The following CNTN3 variants were observed in gnomAD, a reference collection of about 807,000 sequenced individuals.
CNTN3 encodes the protein contactin-3.
A neutral mutation model predicts 119.1 loss-of-function variants in CNTN3; 60 were observed. The observed-to-expected ratio is 0.50, with a 90% CI of 0.41 to 0.62. The LOEUF (loss-of-function observed/expected upper bound fraction) is 0.62, where lower values mean the gene tolerates loss of function less well. CNTN3 is among the 20% of genes least tolerant of loss of function. The pLI is 0.00. For synonymous variants in CNTN3, 450 were observed against 438.7 expected, an observed-to-expected ratio of 1.03 and a Z score of -0.32; for missense variants, 1,101 against 1,242.4, an observed-to-expected ratio of 0.89 and a Z score of 1.71.
At chr3:74,475,615 C>T (rs1179008246) in intron 4 of CNTN3, among the ~76,000 whole-genome samples, 5 of 152,104 alleles carry the variant, frequency 3.3e-5, no homozygotes, top group East Asian at 3.9e-4. Context: ...ATAGAAGGAA[C>T]GGTGGAAATG....
At chr3:74,360,296 T>C (rs1300849164) in intron 11 of CNTN3, among the ~76,000 whole-genome samples, 1 of 152,182 alleles carries the variant, frequency 6.6e-6, no homozygotes, top group Non-Finnish European at 1.5e-5. Context: ...AGTAATAATT[T>C]GGACTCTATG....
At chr3:74,417,214 A>T (rs1186201096) in intron 5 of CNTN3, among the ~76,000 whole-genome samples, 1 of 151,866 alleles carries the variant, frequency 6.6e-6, no homozygotes, top group African/African-American at 2.4e-5. Flanking sequence ...CAAACTCATC[A>T]TTTTCATTCC....
At chr3:74,457,542 A>C (rs992731635) in intron 4 of CNTN3, among the ~76,000 whole-genome samples, 1 of 152,078 alleles carries the variant, frequency 6.6e-6, no homozygotes, top group African/African-American at 2.4e-5. Context: ...TTCAAATATA[A>C]AATGTTATTT....
At chr3:74,394,215 A>G (rs1293174297) in intron 5 of CNTN3, among the ~76,000 whole-genome samples, 1 of 152,204 alleles carries the variant, frequency 6.6e-6, no homozygotes, top group African/African-American at 2.4e-5. Context: ...GTGAAAACTC[A>G]AAGGGTAGTA....
At chr3:74,414,816 A>G (rs1241849718) in intron 5 of CNTN3, among the ~76,000 whole-genome samples, 2 of 148,842 alleles carry the variant, frequency 1.3e-5, no homozygotes, top group African/African-American at 4.9e-5. Context: ...CCAATGTTTT[A>G]TTGCCCCCAC....
chr3:74,573,768 TAAA>T (rs201652402), intron 1 of CNTN3, among the ~76,000 whole-genome samples: 10 of 139,964 alleles, frequency 7.1e-5, no homozygotes, highest in Non-Finnish European at 1.4e-4. Context: ...TAGCCGTAAT[TAAA>T]AAAAAAAAAA....
intron 4 of CNTN3, among the ~76,000 whole-genome samples, chr3:74,433,415 G>A (rs138292703): frequency 7.9e-5 from 12 of 152,212 alleles, no homozygotes; most frequent in Non-Finnish European, 1.8e-4. Flanking sequence ...TTTAAAACAG[G>A]TGTGCATTGT....
intron 8 of CNTN3, among the ~76,000 whole-genome samples, chr3:74,368,265 G>T (rs368062278): frequency 2.0e-5 from 3 of 152,002 alleles, no homozygotes; most frequent in South Asian, 2.1e-4. Flanking sequence ...TTTAGTATTT[G>T]CCTTTGCAAA....
At chr3:74,353,770 T>A (rs936641123) in intron 11 of CNTN3, among the ~76,000 whole-genome samples, 2 of 151,944 alleles carry the variant, frequency 1.3e-5, no homozygotes, top group Non-Finnish European at 2.9e-5. Context: ...AAAAAATTAA[T>A]TAATTAATTA....
chr3:74,541,404 GCAGA>G (rs1054718306), intron 1 of CNTN3, among the ~76,000 whole-genome samples: 1 of 3,182 alleles, frequency 3.1e-4, no homozygotes, highest in Non-Finnish European at 0.011. Context: ...CTACCACATA[GCAGA>G]AAGAATCAAT....
chr3:74,546,824 T>C (rs1377649607), intron 1 of CNTN3, among the ~76,000 whole-genome samples: 1 of 152,208 alleles, frequency 6.6e-6, no homozygotes, highest in Non-Finnish European at 1.5e-5. Flanking sequence ...CTTTTATATA[T>C]ACATCTATCC....
At chr3:74,550,156 C>G (rs1027499291) in intron 1 of CNTN3, among the ~76,000 whole-genome samples, 7 of 152,062 alleles carry the variant, frequency 4.6e-5, no homozygotes, top group African/African-American at 1.7e-4. Context: ...GGGTTCAAGT[C>G]AAAAATAAAT....
At position 74,499,664 on chromosome 3, in the gene CNTN3, A is replaced by C; in HGVS notation, c.177T>G (p.His59Gln). The C allele has an allele frequency of 6.2e-7, 1 of 1,608,848 alleles. No individual in the cohort carries two copies. Among genetic ancestry groups the C allele is most frequent in the Non-Finnish European group, 8.5e-7 (1 of 1,177,606 alleles). ...TTTCAAACTTTTCACTGTACCTGTAATGAGGTGATGGATTGCCTCTTGCTT... is the reference window on the plus strand; with the variant it reads ...TTTCAAACTTTTCACTGTACCTGTACTGAGGTGATGGATTGCCTCTTGCTT... ...HCEARGNPSP[H>Q]YRWQLNGSDI... Residue 59 changes from histidine to glutamine, a missense_variant, in exon 3 of 23, where the codon CAT becomes CAG. His to Gln is a conservative substitution (Grantham distance 24). Transcript: ENST00000263665.
At chr3:74,364,357 A>C (rs1369438190) in intron 10 of CNTN3, 110 bp downstream of exon 10, 12 of 980,404 alleles carry the variant, frequency 1.2e-5, no homozygotes, top group Non-Finnish European at 1.8e-5. Context: ...AATACTGTAG[A>C]TATTATTAGA....
chr3:74,381,084 T>TCACA (rs1357041258), intron 5 of CNTN3, among the ~76,000 whole-genome samples: 1 of 149,884 alleles, frequency 6.7e-6, no homozygotes. Context: ...TCTCTCTCTC[T>TCACA]CTCACACACA....
At chr3:74,315,730 T>C (rs951124755) in intron 13 of CNTN3, among the ~76,000 whole-genome samples, 5 of 152,160 alleles carry the variant, frequency 3.3e-5, no homozygotes, top group Admixed American at 3.3e-4. Flanking sequence ...AAAAAGATCT[T>C]GTGGTGCTGG....
chr3:74,302,646 T>C (rs1257590715), intron 14 of CNTN3, 44 bp downstream of exon 14: 1 of 1,155,916 alleles, frequency 8.7e-7, no homozygotes, highest in South Asian at 1.3e-5. Flanking sequence ...AGGAATGCTG[T>C]TAAGATGTGA....
chr3:74,285,275 T>C (rs377020402), intron 20 of CNTN3, 30 bp downstream of exon 20: 22 of 1,571,310 alleles, frequency 1.4e-5, no homozygotes, highest in African/African-American at 1.1e-4. Context: ...CTATTTTCCG[T>C]ACCATTCAAA....
rs372920888 is a variant in CNTN3, at chr3:74,285,405, G to T, written c.2604C>A (p.Gly868=). The T allele has an allele frequency of 2.5e-6, 4 of 1,613,172 alleles. No individual in the cohort carries two copies. Among genetic ancestry groups the T allele is most frequent in the African/African-American group, 1.3e-5 (1 of 74,818 alleles). ...AGNETSARLR[G]LKSNLAYYTA... ...TGTAATAGGCCAGGTTGCTCTTCAGGCCCCGTAGTCTGGCTGATGTCTCAT... is the reference window on the plus strand; with the variant it reads ...TGTAATAGGCCAGGTTGCTCTTCAGTCCCCGTAGTCTGGCTGATGTCTCAT... The change falls in exon 20 of 23, where the codon GGC becomes GGA. Residue 868 remains glycine, a synonymous_variant. Coordinates refer to ENST00000263665, the MANE Select transcript of CNTN3 (RefSeq NM_020872.3).
Sources: gnomAD v4.1 joint callset for allele counts (sites outside exome capture counted in the v4.1 genomes callset) on GRCh38, gnomAD v4.1.1 for gene constraint, MANE v1.5 for transcripts, NCBI Gene and HGNC (gene_info 2026-07-23, HGNC 2026-07-21) for gene names.